The following ADAM12 variants were observed in gnomAD, a reference collection of about 807,000 sequenced individuals.
The protein encoded by ADAM12 is disintegrin and metalloproteinase domain-containing protein 12.
Under a neutral mutation model 106.4 loss-of-function variants are expected in ADAM12, and 70 were observed. The observed-to-expected ratio is 0.66, with a 90% CI of 0.54 to 0.80. The LOEUF is 0.80. Among genes scored for constraint, ADAM12 ranks in the 30% least tolerant of loss-of-function variants. ADAM12 has a pLI of 0.00. For missense variants in ADAM12, 1,010 were observed against 1,171.9 expected (o/e 0.86, Z 2.02); for synonymous variants, 420 against 433.5 (o/e 0.97, Z 0.39).
intron 8 of ADAM12, among the ~76,000 whole-genome samples, chr10:126,103,934 G>T (rs1321906208): frequency 6.6e-6 from 1 of 152,198 alleles, no homozygotes; most frequent in Non-Finnish European, 1.5e-5. Flanking sequence ...AGGGGCTTAA[G>T]GCATGGCACA....
rs1216633705 is a variant in ADAM12 at position 126,118,162 on chromosome 10, C to T, written c.479G>A (p.Arg160Lys). ...VLEPMKSATN[R>K]YKLFPAKKLK... The stretch of plus-strand genomic sequence containing the variant: ...CTTCTTCGCTGGGAAGAGTTTGTAT[C>T]TGTTGGTTGCACTTTTCATTGGTTC... The change falls in exon 6 of 23, where the codon AGA (arginine) becomes AAA (lysine). Residue 160 changes from arginine (R) to lysine (K), a missense_variant. Transcript: ENST00000448723. The T allele has an allele frequency of 1.2e-6, 2 of 1,614,152 alleles. No individual in the cohort carries two copies. Among genetic ancestry groups the T allele is most frequent in the Admixed American group, 3.3e-5 (2 of 60,024 alleles).
In ADAM12 at chr10:126,117,986, G is replaced by A. The variant is rs117925740; in HGVS notation, c.603+52C>T. 1,479 of 1,587,222 alleles carry A rather than the reference G, an allele frequency of 9.3e-4. 13 individuals carry two copies. The East Asian group carries it at 0.027, about 29-fold the overall frequency. On this transcript the variant is annotated intron_variant, in intron 6 of 22. Coordinates refer to ENST00000448723, the MANE Select transcript of ADAM12 (RefSeq NM_001288973.2). ...CCAGATGTCCTAGTGTGGGGTATCCGTAGCTTGAGCTCCTAGCTTTCCAGA... is the reference window on the plus strand; with the variant it reads ...CCAGATGTCCTAGTGTGGGGTATCCATAGCTTGAGCTCCTAGCTTTCCAGA...
intron 3 of ADAM12, among the ~76,000 whole-genome samples, chr10:126,266,544 T>A (rs1366543470): frequency 1.3e-5 from 2 of 152,212 alleles, no homozygotes; most frequent in Non-Finnish European, 1.5e-5. Context: ...ATGCTGTGAA[T>A]GGCAGTGCAG....
At chr10:126,127,007 T>A (rs991765371) in intron 5 of ADAM12, among the ~76,000 whole-genome samples, 1 of 152,170 alleles carries the variant, frequency 6.6e-6, no homozygotes, top group African/African-American at 2.4e-5. Flanking sequence ...TCAGAGCAGA[T>A]GCCACCTGGC....
intron 3 of ADAM12, among the ~76,000 whole-genome samples, chr10:126,188,535 C>A (rs188564182): frequency 3.9e-5 from 6 of 152,282 alleles, no homozygotes; most frequent in African/African-American, 1.4e-4. Flanking sequence ...AGAAAACAAA[C>A]AAAGGCCTTG....
At chr10:126,346,075 G>A (rs1855127510) in intron 1 of ADAM12, among the ~76,000 whole-genome samples, 1 of 152,064 alleles carries the variant, frequency 6.6e-6, no homozygotes, top group Admixed American at 6.6e-5. Flanking sequence ...TTTTGAATTT[G>A]TTTGCTCTTG....
Position 126,274,383 on chromosome 10 carries a change from T to A in ADAM12, c.260+4532A>T, listed in dbSNP as rs114846254. Among the ~76,000 whole-genome samples the A allele has an allele frequency of 2.2e-3, 331 of 152,300 alleles. 2 individuals are homozygous for A. Among genetic ancestry groups the A allele is most frequent in the African/African-American group, 7.5e-3 (311 of 41,564 alleles). ...CACACGCTCAGGTGGCAGTCACCTT[T>A]TTAGCAGCCACATTGCCTCAGGGGC... On this transcript the variant is annotated intron_variant, in intron 3 of 22. Coordinates refer to ENST00000448723, the MANE Select transcript of ADAM12 (RefSeq NM_001288973.2).
chr10:126,304,788 G>T (rs933398696), intron 2 of ADAM12, among the ~76,000 whole-genome samples: 1 of 151,162 alleles, frequency 6.6e-6, no homozygotes, highest in African/African-American at 2.4e-5. Flanking sequence ...AAATCTGAAC[G>T]TTTACAAAAA....
At chr10:126,125,687 A>T (rs1407674447) in intron 5 of ADAM12, among the ~76,000 whole-genome samples, 3 of 151,862 alleles carry the variant, frequency 2.0e-5, no homozygotes, top group Non-Finnish European at 4.4e-5. Flanking sequence ...CCCAGAAAAG[A>T]TATGTTTAAG....
chr10:126,345,923 A>G (rs1020011667), intron 1 of ADAM12, among the ~76,000 whole-genome samples: 38 of 151,948 alleles, frequency 2.5e-4, no homozygotes, highest in African/African-American at 8.5e-4. Context: ...TTTTCTTATT[A>G]GTCTTGCTAG....
chr10:126,021,545 G>C (rs1953767592), intron 21 of ADAM12, among the ~76,000 whole-genome samples: 1 of 152,066 alleles, frequency 6.6e-6, no homozygotes. Context: ...CCTGAACAAG[G>C]GACAGACTTA....
At chr10:126,278,009 A>G (rs1959355675) in intron 3 of ADAM12, among the ~76,000 whole-genome samples, 1 of 152,300 alleles carries the variant, frequency 6.6e-6, no homozygotes, top group East Asian at 1.9e-4. Flanking sequence ...CTGGGACTCC[A>G]CATCCCTGAC....
chr10:126,154,424 G>A (rs188836042), intron 4 of ADAM12, among the ~76,000 whole-genome samples: 20 of 152,334 alleles, frequency 1.3e-4, no homozygotes, highest in African/African-American at 4.3e-4. Flanking sequence ...TGTCAAACAA[G>A]TGATAAAGAA....
intron 3 of ADAM12, among the ~76,000 whole-genome samples, chr10:126,213,281 C>T (rs1270878979): frequency 6.6e-6 from 1 of 152,152 alleles, no homozygotes; most frequent in Admixed American, 6.5e-5. Flanking sequence ...TTTCACTTGA[C>T]AACATAAATT....
At chr10:126,194,129 T>G (rs1957554688) in intron 3 of ADAM12, among the ~76,000 whole-genome samples, 1 of 151,734 alleles carries the variant, frequency 6.6e-6, no homozygotes, top group South Asian at 2.1e-4. Context: ...GAGAAGATAA[T>G]CAAAAATATA....
At chr10:126,179,619 T>C (rs923565240) in intron 3 of ADAM12, among the ~76,000 whole-genome samples, 6 of 152,234 alleles carry the variant, frequency 3.9e-5, no homozygotes, top group African/African-American at 1.4e-4. Context: ...ATGTAGGTGA[T>C]CTTGGATTAA....
At chr10:126,347,729 G>T (rs942975505) in intron 1 of ADAM12, among the ~76,000 whole-genome samples, 3 of 151,872 alleles carry the variant, frequency 2.0e-5, no homozygotes, top group Non-Finnish European at 2.9e-5. Context: ...CTTAATTTGG[G>T]GGTTGTTTGC....
intron 1 of ADAM12, among the ~76,000 whole-genome samples, chr10:126,373,659 A>C (rs186767864): frequency 3.3e-5 from 5 of 152,258 alleles, no homozygotes; most frequent in African/African-American, 1.2e-4. Context: ...AGACCCAAAG[A>C]ATCATTATCA....
At chr10:126,299,162 T>C (rs560934872) in intron 2 of ADAM12, among the ~76,000 whole-genome samples, 2 of 152,164 alleles carry the variant, frequency 1.3e-5, no homozygotes, top group South Asian at 2.1e-4. Context: ...CAGAACCCAG[T>C]GAATAAGTTT....
Sources: allele counts gnomAD v4.1 joint callset (sites outside exome capture counted in the v4.1 genomes callset), GRCh38; gene constraint gnomAD v4.1.1; transcripts MANE v1.5; gene names NCBI Gene and HGNC (gene_info 2026-07-23, HGNC 2026-07-21).